The following ADAMTS18 variants were observed in gnomAD, a reference collection of about 807,000 sequenced individuals.
ADAMTS18 encodes the protein ADAM metallopeptidase with thrombospondin type 1 motif 18.
A neutral mutation model predicts 165.9 loss-of-function variants in ADAMTS18; 157 were observed. The observed-to-expected ratio is 0.95, with a 90% CI of 0.83 to 1.08. ADAMTS18 has a LOEUF of 1.08. ADAMTS18 is among the 50% of genes least tolerant of loss of function. The pLI, the probability that ADAMTS18 is intolerant of heterozygous loss-of-function variation, is 0.00. For synonymous variants in ADAMTS18, 782 were observed against 578.2 expected (o/e 1.35, Z -5.06); for missense variants, 2,040 against 1,534.0 (o/e 1.33, Z -5.51).
At chr16:77,332,900 C>A (rs2056213647) in intron 12 of ADAMTS18, among the ~76,000 whole-genome samples, 1 of 152,112 alleles carries the variant, frequency 6.6e-6, no homozygotes, top group Non-Finnish European at 1.5e-5. Context: ...TTCACATCAG[C>A]ATTTTTCCGT....
At chr16:77,307,947 C>T (rs763317249) in intron 16 of ADAMTS18, among the ~76,000 whole-genome samples, 1 of 152,142 alleles carries the variant, frequency 6.6e-6, no homozygotes, top group African/African-American at 2.4e-5. Context: ...CCCCACCACC[C>T]TGTCATCTCC....
chr16:77,363,713 G>T, intron 6 of ADAMTS18, 89 bp downstream of exon 6: 1 of 1,217,918 alleles, frequency 8.2e-7, no homozygotes, highest in Non-Finnish European at 1.2e-6. Flanking sequence ...CTAACGACTA[G>T]TACATGGATT....
chr16:77,418,533 C>T (rs754849567), intron 3 of ADAMTS18, among the ~76,000 whole-genome samples: 3 of 152,156 alleles, frequency 2.0e-5, no homozygotes, highest in African/African-American at 4.8e-5. Flanking sequence ...AATTATCCAT[C>T]CTAACAAACC....
At chr16:77,289,076 G>T (rs551490401) in intron 22 of ADAMTS18, among the ~76,000 whole-genome samples, 188 bp downstream of exon 22, 1 of 152,154 alleles carries the variant, frequency 6.6e-6, no homozygotes, top group Non-Finnish European at 1.5e-5. Context: ...GTCTGAAAAA[G>T]ATTATTTGGA....
chr16:77,421,375 GGTTT>G (rs2057600607), intron 3 of ADAMTS18, among the ~76,000 whole-genome samples: 1 of 152,146 alleles, frequency 6.6e-6, no homozygotes, highest in Non-Finnish European at 1.5e-5. Flanking sequence ...GGAACTCCTG[GGTTT>G]GTTCACAGAG....
chr16:77,405,101 G>C (rs577444630), intron 3 of ADAMTS18, among the ~76,000 whole-genome samples: 1 of 152,178 alleles, frequency 6.6e-6, no homozygotes, highest in East Asian at 1.9e-4. Context: ...TTAAAATCCA[G>C]ACAAAGGGAG....
At position 77,289,372 on chromosome 16, in the gene ADAMTS18, C is replaced by T. The variant is rs1360936035; in HGVS notation, c.3442G>A (p.Val1148Ile). The change falls in exon 22 of 23, where the codon GTC (valine) becomes ATC (isoleucine). Residue 1148 changes from valine to isoleucine, a missense_variant. Transcript: ENST00000282849. ...TCGGGVQTRS[V>I]HCVQQGRPSS... Reference sequence around the variant, plus strand: ...GGCCGGCCTTGCTGAACACAGTGGACTGACCGGGTCTGGACCCCTCCCCCA... The same window carrying T: ...GGCCGGCCTTGCTGAACACAGTGGATTGACCGGGTCTGGACCCCTCCCCCA... The T allele has an allele frequency of 1.2e-6, 2 of 1,614,118 alleles. No homozygotes were observed. Among genetic ancestry groups the T allele is most frequent in the Non-Finnish European group, 1.7e-6 (2 of 1,180,016 alleles).
intron 2 of ADAMTS18, chr16:77,433,286 G>C (rs574093296): frequency 6.6e-6 from 1 of 152,154 alleles, no homozygotes; most frequent in Non-Finnish European, 1.5e-5. Flanking sequence ...TACTTGGAAG[G>C]CTCTGTAGGA....
intron 16 of ADAMTS18, among the ~76,000 whole-genome samples, chr16:77,315,808 G>A (rs574651734): frequency 7.2e-5 from 11 of 152,224 alleles, no homozygotes; most frequent in African/African-American, 2.6e-4. Flanking sequence ...GGTATTTTTA[G>A]GAACTGATTT....
At chr16:77,331,412 G>T (rs1158214704) in intron 12 of ADAMTS18, among the ~76,000 whole-genome samples, 1 of 152,092 alleles carries the variant, frequency 6.6e-6, no homozygotes, top group Non-Finnish European at 1.5e-5. Context: ...TTAAGACATG[G>T]CTGCATTCAA....
chr16:77,324,474 C>G (rs1462240744), intron 13 of ADAMTS18, among the ~76,000 whole-genome samples: 1 of 152,102 alleles, frequency 6.6e-6, no homozygotes, highest in East Asian at 1.9e-4. Context: ...AAATATATAC[C>G]AAGTGCTGTT....
intron 2 of ADAMTS18, 61 bp downstream of exon 2, chr16:77,434,357 G>C (rs1219842912): frequency 4.6e-6 from 7 of 1,523,302 alleles, no homozygotes; most frequent in Admixed American, 2.0e-5. Context: ...CTCTCTTTGG[G>C]GGAAGGAAGG....
intron 3 of ADAMTS18, among the ~76,000 whole-genome samples, chr16:77,417,180 T>C (rs1046682793): frequency 2.0e-5 from 3 of 152,114 alleles, no homozygotes; most frequent in African/African-American, 7.2e-5. Flanking sequence ...AACTATCATT[T>C]TGGCATTCTT....
intron 3 of ADAMTS18, among the ~76,000 whole-genome samples, chr16:77,422,725 T>C (rs1025755670): frequency 1.3e-5 from 2 of 152,194 alleles, no homozygotes; most frequent in African/African-American, 2.4e-5. Context: ...TATTTTTTTA[T>C]GCTTAACATA....
intron 3 of ADAMTS18, among the ~76,000 whole-genome samples, chr16:77,427,742 G>A (rs1172443332): frequency 6.6e-6 from 1 of 152,310 alleles, no homozygotes; most frequent in African/African-American, 2.4e-5. Flanking sequence ...TTCCAAGTAA[G>A]TAACAACTAC....
chr16:77,366,341 T>C (rs1167627480), intron 4 of ADAMTS18, among the ~76,000 whole-genome samples: 1 of 152,222 alleles, frequency 6.6e-6, no homozygotes, highest in Non-Finnish European at 1.5e-5. Flanking sequence ...GTGGATCACC[T>C]GAGGTCAGGA....
intron 7 of ADAMTS18, among the ~76,000 whole-genome samples, 188 bp downstream of exon 7, chr16:77,361,917 G>C (rs1400735133): frequency 6.6e-6 from 1 of 151,838 alleles, no homozygotes; most frequent in Non-Finnish European, 1.5e-5. Context: ...AATAAACTAA[G>C]TGGGCTCCCC....
At chr16:77,329,502 A>C (rs2056152536) in intron 12 of ADAMTS18, among the ~76,000 whole-genome samples, 1 of 152,208 alleles carries the variant, frequency 6.6e-6, no homozygotes, top group Non-Finnish European at 1.5e-5. Flanking sequence ...AGTTGTGACA[A>C]TTAACTGATC....
At chr16:77,320,602 G>A (rs919035025) in intron 15 of ADAMTS18, among the ~76,000 whole-genome samples, 22 of 150,546 alleles carry the variant, frequency 1.5e-4, no homozygotes, top group African/African-American at 4.9e-4. Flanking sequence ...TCACACTACT[G>A]CACTCCAGCC....
Sources: allele counts gnomAD v4.1 joint callset (sites outside exome capture counted in the v4.1 genomes callset), GRCh38; gene constraint gnomAD v4.1.1; transcripts MANE v1.5; gene names NCBI Gene and HGNC (gene_info 2026-07-23, HGNC 2026-07-21).